MLIP: variants seen among roughly 807,000 people sequenced by gnomAD.
The protein encoded by MLIP is muscular LMNA-interacting protein.
MLIP carries 79 observed loss-of-function variants against 84.8 expected under a neutral mutation model. That is an observed-to-expected ratio of 0.93 (90% CI 0.78 to 1.12). The LOEUF (loss-of-function observed/expected upper bound fraction) is 1.12. MLIP is among the 50% of genes most tolerant of loss of function. The probability of loss-of-function intolerance (pLI) is 0.00; values close to 1 mark genes in which losing one functional copy is unlikely to be tolerated. For missense variants in MLIP, 1,257 were observed against 1,160.6 expected (o/e 1.08, Z -1.21); for synonymous variants, 504 against 463.0 (o/e 1.09, Z -1.14).
intron 1 of MLIP, among the ~76,000 whole-genome samples, chr6:54,058,256 T>G (rs1035258306): frequency 6.6e-6 from 1 of 152,198 alleles, no homozygotes; most frequent in Admixed American, 6.5e-5. Context: ...TGATAAATAA[T>G]TATTAATCAT....
At chr6:54,129,571 G>A (rs2150460917) in intron 3 of MLIP, among the ~76,000 whole-genome samples, 1 of 152,306 alleles carries the variant, frequency 6.6e-6, no homozygotes, top group African/African-American at 2.4e-5. Flanking sequence ...AGTTAGTGCT[G>A]TTGCTCTTAC....
chr6:54,048,500 A>C (rs9474715), intron 1 of MLIP, among the ~76,000 whole-genome samples: 20,434 of 152,106 alleles, frequency 0.13, 2,604 homozygotes, highest in African/African-American at 0.34. Context: ...CACCCAGTTT[A>C]CAGTGGGCAT....
intron 1 of MLIP, among the ~76,000 whole-genome samples, chr6:54,049,432 C>T (rs937865263): frequency 7.2e-5 from 11 of 152,092 alleles, no homozygotes; most frequent in African/African-American, 1.9e-4. Context: ...ATTGCTGGTT[C>T]GTTATGAAGC....
intron 8 of MLIP, among the ~76,000 whole-genome samples, chr6:54,165,534 T>A (rs1210577835): frequency 6.6e-6 from 1 of 151,944 alleles, no homozygotes; most frequent in Non-Finnish European, 1.5e-5. Context: ...TTAAATGTGT[T>A]GTGGCATGAG....
chr6:54,123,228 C>G (rs1447933047), intron 2 of MLIP, among the ~76,000 whole-genome samples: 2 of 152,152 alleles, frequency 1.3e-5, no homozygotes, highest in Non-Finnish European at 2.9e-5. Context: ...AGCCACCGCG[C>G]CCGGCTTCAT....
intron 12 of MLIP, among the ~76,000 whole-genome samples, chr6:54,232,977 A>G (rs1354281928): frequency 1.3e-5 from 2 of 152,070 alleles, no homozygotes; most frequent in African/African-American, 4.8e-5. Context: ...CTAAGTTTTA[A>G]TCAAACTCCT....
chr6:54,053,630 CTG>C (rs1303309787), intron 1 of MLIP, among the ~76,000 whole-genome samples: 4 of 152,282 alleles, frequency 2.6e-5, no homozygotes, highest in African/African-American at 9.6e-5. Flanking sequence ...AGCTTTGTGA[CTG>C]TGGGCAAGTA....
upstream of MLIP, chr6:54,111,396 CGTGA>C: frequency 6.6e-7 from 1 of 1,505,754 alleles, no homozygotes; most frequent in Non-Finnish European, 8.8e-7. Context: ...CTTCTTTCTG[CGTGA>C]GTGTGTGTGT....
chr6:54,211,032 A>G (rs1779415446), intron 11 of MLIP, among the ~76,000 whole-genome samples: 1 of 152,126 alleles, frequency 6.6e-6, no homozygotes, highest in African/African-American at 2.4e-5. Context: ...TGAGGTCAGG[A>G]GTTCAAGACC....
At chr6:54,254,820 A>T (rs897869546) in intron 12 of MLIP, among the ~76,000 whole-genome samples, 3 of 124,014 alleles carry the variant, frequency 2.4e-5, no homozygotes, top group African/African-American at 9.5e-5. Context: ...CACATCTCTC[A>T]TGCATTATTT....
chr6:54,054,766 T>C (rs968030887), intron 1 of MLIP, among the ~76,000 whole-genome samples: 5 of 152,148 alleles, frequency 3.3e-5, no homozygotes, highest in African/African-American at 9.6e-5. Context: ...GCATCTTTTC[T>C]CTAACGAGGT....
At chr6:54,252,219 C>CTATATTATAACATATAATATATAAG (rs1782653057) in intron 12 of MLIP, among the ~76,000 whole-genome samples, 1 of 103,286 alleles carries the variant, frequency 9.7e-6, no homozygotes, top group Non-Finnish European at 1.7e-5. Context: ...TAATATATAA[C>CTATATTATAACATATAATATATAAG]TATATTATAA....
chr6:54,098,148 CTT>C lies in MLIP; in HGVS notation c.64-23279_64-23278del, dbSNP rs5876357. Among the ~76,000 whole-genome samples, 801 of 123,802 alleles carry C rather than the reference CTT, an allele frequency of 6.5e-3. 5 individuals are homozygous for C. The highest frequency in any genetic ancestry group is 0.023 in the African/African-American group (733 of 31,226). The allele number at this position is 123,802 out of a possible 152,430, so 81.2% of individuals were successfully genotyped here. A position where few individuals can be genotyped will look rare whatever the true frequency, so the allele number is the denominator to read the frequency against. ...TGTTAAGTCTTGGGGATTTTTCTTT[CTT>C]TTTTTTTTTTTTTTTTTTTGTTAGA... On this transcript the variant is annotated intron_variant, in intron 1 of 12. Transcript: ENST00000274897.
At chr6:54,062,145 G>C (rs964030316) in intron 1 of MLIP, among the ~76,000 whole-genome samples, 3 of 152,166 alleles carry the variant, frequency 2.0e-5, no homozygotes, top group Non-Finnish European at 2.9e-5. Flanking sequence ...AGTGCGAAGA[G>C]GGATCAGACT....
intron 12 of MLIP, among the ~76,000 whole-genome samples, chr6:54,242,714 G>GA (rs1479664613): frequency 6.6e-6 from 1 of 152,064 alleles, no homozygotes; most frequent in African/African-American, 2.4e-5. Flanking sequence ...CTAAAGATGT[G>GA]AAAAATCTTT....
intron 9 of MLIP, among the ~76,000 whole-genome samples, chr6:54,179,112 G>A (rs773914410): frequency 3.7e-4 from 57 of 152,108 alleles, no homozygotes; most frequent in Non-Finnish European, 7.5e-4. Flanking sequence ...AATCATTATA[G>A]CCTTTTGCTG....
intron 1 of MLIP, among the ~76,000 whole-genome samples, chr6:54,072,459 C>T (rs1335726532): frequency 6.6e-6 from 1 of 152,036 alleles, no homozygotes; most frequent in Non-Finnish European, 1.5e-5. Flanking sequence ...ACCTGTTGGT[C>T]CTATAACAAT....
intron 11 of MLIP, among the ~76,000 whole-genome samples, chr6:54,211,512 G>A (rs1779449406): frequency 6.6e-6 from 1 of 152,192 alleles, no homozygotes; most frequent in African/African-American, 2.4e-5. Flanking sequence ...AGAACCAAAG[G>A]AAATCTAGGG....
intron 4 of MLIP, among the ~76,000 whole-genome samples, chr6:54,143,098 C>T (rs1005306911): frequency 7.9e-5 from 12 of 152,168 alleles, no homozygotes; most frequent in African/African-American, 2.9e-4. Flanking sequence ...TGTACCACTC[C>T]TGTGCTTCTC....
Sources: gnomAD v4.1 joint callset for allele counts (sites outside exome capture counted in the v4.1 genomes callset) on GRCh38, gnomAD v4.1.1 for gene constraint, MANE v1.5 for transcripts, NCBI Gene and HGNC (gene_info 2026-07-23, HGNC 2026-07-21) for gene names.